Variants in SPATC1 observed in about 807,000 individuals in gnomAD.
The protein encoded by SPATC1 is spermatogenesis and centriole associated 1, also known as speriolin.
Under a neutral mutation model 36.5 loss-of-function variants are expected in SPATC1, and 35 were observed. That is an observed-to-expected ratio of 0.96 (90% confidence interval 0.73 to 1.27). SPATC1 has a LOEUF of 1.27. SPATC1 is among the 50% of genes most tolerant of loss of function. SPATC1 has a pLI of 0.00. For synonymous variants in SPATC1, 361 were observed against 353.6 expected, an observed-to-expected ratio of 1.02 and a Z score of -0.24; for missense variants, 779 against 796.0, an observed-to-expected ratio of 0.98 and a Z score of 0.26.
At chr8:144,026,509 G>GT (rs1249094455) in intron 1 of SPATC1, among the ~76,000 whole-genome samples, 19 of 152,118 alleles carry the variant, frequency 1.2e-4, no homozygotes, top group Non-Finnish European at 1.6e-4. Context: ...ATGTTCAACT[G>GT]TTTAAGGAAC....
intron 1 of SPATC1, among the ~76,000 whole-genome samples, chr8:144,036,957 G>A (rs1834911017): frequency 6.6e-6 from 1 of 151,688 alleles, no homozygotes; most frequent in African/African-American, 2.4e-5. Context: ...GAGCTGCTAT[G>A]GTGTGTGTCC....
At position 144,043,893 on chromosome 8, in the gene SPATC1, C is replaced by T. The variant is rs187718106; in HGVS notation, c.1446+2522C>T. Among the ~76,000 whole-genome samples the T allele has an allele frequency of 8.1e-4, 123 of 152,290 alleles. No homozygotes were observed. The South Asian group carries it at 0.012, about 14-fold the overall frequency. On this transcript the variant is annotated intron_variant, in intron 4 of 4. Coordinates refer to ENST00000377470, the MANE Select transcript of SPATC1 (RefSeq NM_198572.3). ...ATAGGAAAGGCCTGGGTGCTGAGCA[C>T]GGGCACACGCCTTGGAGGACGGTGT... is the stretch of plus-strand genomic sequence containing the variant.
rs1834598930 is a variant in SPATC1, at chr8:144,023,602, C to T, written c.211+10876C>T. 1.6e-5 allele frequency among the ~76,000 whole-genome samples: 2 copies of T among 122,680 alleles called. 1 individual carries two copies. Among genetic ancestry groups the T allele is most frequent in the Non-Finnish European group, 3.5e-5 (2 of 56,676 alleles). 80.5% of individuals were successfully genotyped at this position (122,680 alleles called of 152,430 possible). On this transcript the variant is annotated intron_variant, in intron 1 of 4. Transcript: ENST00000377470. ...TTTCCTATTCCCTCAGGACACACTTCCCTGAAAACGCTCTTCCCTCAGGAC... is the reference window on the plus strand; with the variant it reads ...TTTCCTATTCCCTCAGGACACACTTTCCTGAAAACGCTCTTCCCTCAGGAC...
At position 144,045,810 on chromosome 8, in the gene SPATC1, G is replaced by A. The variant is rs977485648; in HGVS notation, c.1447-817G>A. On this transcript the variant is annotated intron_variant, in intron 4 of 4. Coordinates refer to ENST00000377470, the MANE Select transcript of SPATC1 (RefSeq NM_198572.3). This position sits in a 1 kb window ranked among gnomAD's most constrained non-coding sequence, Gnocchi z 5.2. ...AGAACTTCAGGATGGTGCCAACAGC[G>A]CATTGAGCTGGGCACTGGGCTTCCC... is the stretch of plus-strand genomic sequence containing the variant. Among the ~76,000 whole-genome samples, 4 of 152,226 alleles carry A rather than the reference G, an allele frequency of 2.6e-5. No homozygotes were observed. Among genetic ancestry groups the A allele is most frequent in the South Asian group, 4.1e-4 (2 of 4,836 alleles).
Position 144,043,470 on chromosome 8 carries a change from C to T in SPATC1, c.1446+2099C>T, listed in dbSNP as rs1002371654. On this transcript the variant is annotated intron_variant, in intron 4 of 4. Transcript: ENST00000377470. ...CTAATTTTTGTATTTTTAGGAGAGA[C>T]GGGGTTTCATCATGTTGGTCAGGCT... is the stretch of plus-strand genomic sequence containing the variant. 3.9e-5 allele frequency among the ~76,000 whole-genome samples: 6 copies of T among 151,928 alleles called. No homozygotes were observed. In the South Asian group the frequency reaches 6.3e-4, roughly 16 times the overall value.
At chr8:144,043,685 ATTTTT>A (rs527881198) in intron 4 of SPATC1, among the ~76,000 whole-genome samples, 1 of 129,952 alleles carries the variant, frequency 7.7e-6, no homozygotes. Context: ...TATGGACTAC[ATTTTT>A]TTTTTTTTTT....
At position 144,045,912 on chromosome 8, in the gene SPATC1, A is replaced by C. The variant is rs1587540212; in HGVS notation, c.1447-715A>C. Among the ~76,000 whole-genome samples the C allele has an allele frequency of 6.6e-6, 1 of 152,202 alleles. No homozygotes were observed. Among genetic ancestry groups the C allele is most frequent in the East Asian group, 1.9e-4 (1 of 5,198 alleles). On this transcript the variant is annotated intron_variant, in intron 4 of 4. Transcript: ENST00000377470. This position sits in a 1 kb window ranked among gnomAD's most constrained non-coding sequence, Gnocchi z 5.2. ...GGCTGCCTTCATGATTACATGCCTT[A>C]GGGCGGGAGCCAGTCACTGCCTGGC...
chr8:144,020,357 T>TC (rs1234092203), intron 1 of SPATC1, among the ~76,000 whole-genome samples: 2 of 143,614 alleles, frequency 1.4e-5, no homozygotes, highest in Non-Finnish European at 3.0e-5. Context: ...CAGAACCCTT[T>TC]CCCCCGAGGA....
intron 1 of SPATC1, among the ~76,000 whole-genome samples, chr8:144,035,474 C>T (rs1834880004): frequency 1.3e-5 from 2 of 152,240 alleles, no homozygotes; most frequent in African/African-American, 2.4e-5. Flanking sequence ...ACAAAGCTAC[C>T]ACTCCAGCGC....
At chr8:144,041,132 C>T (rs782250679) in intron 3 of SPATC1, 25 bp downstream of exon 3, 13 of 1,580,698 alleles carry the variant, frequency 8.2e-6, no homozygotes, top group East Asian at 2.2e-5. Flanking sequence ...GGGCTCCACG[C>T]GGGTCGGGCC....
chr8:144,016,852 C>T lies in SPATC1; in HGVS notation c.211+4126C>T, dbSNP rs1053686840. 2.0e-5 allele frequency among the ~76,000 whole-genome samples: 3 copies of T among 152,080 alleles called. No individual in the cohort carries two copies. The highest frequency in any genetic ancestry group is 4.4e-5 in the Non-Finnish European group (3 of 68,004). ...AGGTTTCTCCATGTTGGTCTCATGTCGGCCTCAAACTCCCGACTTCAGGTG... is the reference window on the plus strand; with the variant it reads ...AGGTTTCTCCATGTTGGTCTCATGTTGGCCTCAAACTCCCGACTTCAGGTG... On this transcript the variant is annotated intron_variant, in intron 1 of 4. Coordinates refer to ENST00000377470, the MANE Select transcript of SPATC1 (RefSeq NM_198572.3). The surrounding 1 kb of genome is among the most constrained non-coding windows in gnomAD (Gnocchi z 4.5).
intron 1 of SPATC1, among the ~76,000 whole-genome samples, chr8:144,023,544 ACT>A (rs1834597757): frequency 9.9e-6 from 1 of 101,360 alleles, no homozygotes; most frequent in African/African-American, 3.8e-5. Flanking sequence ...CTCTAAGGAC[ACT>A]CTCTATGCAG....
In SPATC1 at chr8:144,040,045, C is replaced by T; in HGVS notation, c.348C>T (p.Pro116=). The change falls in exon 2 of 5, where the codon CCC becomes CCT. Residue 116 remains proline, a synonymous_variant. Coordinates refer to ENST00000377470, the MANE Select transcript of SPATC1 (RefSeq NM_198572.3). ...PSATPGSLMS[P]LTGTLSTLLS... ...CCACACCGGGCTCACTCATGAGCCC[C>T]CTGACAGGCACCCTCAGCACGCTGC... 6.2e-7 allele frequency: 1 copy of T among 1,613,714 alleles called. No homozygotes were observed. Among genetic ancestry groups the T allele is most frequent in the Non-Finnish European group, 8.5e-7 (1 of 1,180,000 alleles).
At chr8:144,034,099 C>T (rs998937263) in intron 1 of SPATC1, among the ~76,000 whole-genome samples, 143 of 152,364 alleles carry the variant, frequency 9.4e-4, no homozygotes, top group African/African-American at 1.7e-3. Flanking sequence ...CTGCAGTTGG[C>T]CTGTTTACAG....
rs555704182 is a variant in SPATC1, at chr8:144,047,035, C to T, written c.*79C>T. Reference sequence around the variant, plus strand: ...ATTAAAGCTTCCCACAGACACTGGTCGCTGGGCCTGTGCCAGCGCTCCTGG... The same window carrying T: ...ATTAAAGCTTCCCACAGACACTGGTTGCTGGGCCTGTGCCAGCGCTCCTGG... On this transcript the variant is annotated 3_prime_UTR_variant, in exon 5 of 5. Coordinates refer to ENST00000377470, the MANE Select transcript of SPATC1 (RefSeq NM_198572.3). This position sits in a 1 kb window ranked among gnomAD's most constrained non-coding sequence, Gnocchi z 4.1. 4.0e-5 allele frequency: 60 copies of T among 1,494,742 alleles called. 2 individuals are homozygous for T. The South Asian group carries it at 6.2e-4, about 16-fold the overall frequency. The allele number at this position is 1,494,742 out of a possible 1,614,324, so 92.6% of individuals were successfully genotyped here.
In SPATC1 at chr8:144,041,060, G is replaced by C. The variant is rs138012879; in HGVS notation, c.1259G>C (p.Arg420Pro). ...ACGAAGAGCATGATGGAGGTGGAAC[G>C]GAAGCTGGCCCACCGCAAGACCAGC... ...PSTKSMMEVE[R>P]KLAHRKTSKF... Residue 420 changes from arginine (R) to proline (P), a missense_variant, in exon 3 of 5, where the codon CGG becomes CCG. Coordinates refer to ENST00000377470, the MANE Select transcript of SPATC1 (RefSeq NM_198572.3). 5 of 1,600,758 alleles carry C rather than the reference G, an allele frequency of 3.1e-6. 1 individual carries two copies. The South Asian group carries it at 5.6e-5, about 18-fold the overall frequency.
intron 1 of SPATC1, among the ~76,000 whole-genome samples, chr8:144,029,294 C>T (rs935053252): frequency 4.7e-5 from 7 of 150,060 alleles, no homozygotes; most frequent in African/African-American, 1.2e-4. Context: ...CAGGGCCAGG[C>T]GCGGTAGCTC....
intron 1 of SPATC1, among the ~76,000 whole-genome samples, chr8:144,033,053 C>A (rs1726963976): frequency 6.7e-6 from 1 of 148,264 alleles, no homozygotes; most frequent in Admixed American, 6.7e-5. Context: ...TTTCAAATGT[C>A]CAGTTTTCAA....
At chr8:144,042,284 A>AATATATATATATATATAT (rs1554756220) in intron 4 of SPATC1, among the ~76,000 whole-genome samples, 12 of 36,296 alleles carry the variant, frequency 3.3e-4, no homozygotes, top group African/African-American at 1.9e-3. Context: ...ACGCCCAGCT[A>AATATATATATATATATAT]ATATATATAT....
Sources: allele counts gnomAD v4.1 joint callset (sites outside exome capture counted in the v4.1 genomes callset), GRCh38; gene constraint gnomAD v4.1.1; non-coding constraint Gnocchi (gnomAD v3.1); transcripts MANE v1.5; gene names NCBI Gene and HGNC (gene_info 2026-07-23, HGNC 2026-07-21).